Variants in KIRREL3 observed in about 807,000 individuals in gnomAD.
The protein encoded by KIRREL3 is kirre like nephrin family adhesion molecule 3.
In KIRREL3, 36 loss-of-function variants were observed where a neutral mutation model predicts 89.7. The observed-to-expected ratio is 0.40, with a 90% CI of 0.31 to 0.53. The LOEUF (loss-of-function observed/expected upper bound fraction) is 0.53, where lower values mean the gene tolerates loss of function less well. Ranked by LOEUF, KIRREL3 falls within the 20% of genes least tolerant of loss-of-function variation. The pLI, the probability that KIRREL3 is intolerant of heterozygous loss-of-function variation, is 0.49. For synonymous variants in KIRREL3, 445 were observed against 441.4 expected (o/e 1.01, Z -0.10); for missense variants, 864 against 1,056.6 (o/e 0.82, Z 2.53).
At chr11:126,864,690 A>T (rs532837742) in intron 1 of KIRREL3, among the ~76,000 whole-genome samples, 1 of 152,294 alleles carries the variant, frequency 6.6e-6, no homozygotes, top group South Asian at 2.1e-4. Context: ...TTCATCTCTC[A>T]CTGTAAACCC....
chr11:126,533,747 ACTT>A (rs1365126890), intron 2 of KIRREL3, among the ~76,000 whole-genome samples: 1 of 152,206 alleles, frequency 6.6e-6, no homozygotes, highest in African/African-American at 2.4e-5. Context: ...GAATCCTGGC[ACTT>A]CCATGAACTT....
At chr11:126,466,725 T>G (rs1349651502) in intron 5 of KIRREL3, among the ~76,000 whole-genome samples, 1 of 152,124 alleles carries the variant, frequency 6.6e-6, no homozygotes, top group Non-Finnish European at 1.5e-5. Context: ...CATCTGCAGG[T>G]TCTAGTCGCA....
At position 126,463,051 on chromosome 11, in the gene KIRREL3, C is replaced by T. The variant is rs1280353273; in HGVS notation, c.742+106G>A. ...ACAAGCTGGCCAATCCACAGAGCTG[C>T]CTGACCCATTTCCTGCTATCAGATG... is the stretch of plus-strand genomic sequence containing the variant. On this transcript the variant is annotated intron_variant, in intron 6 of 16. Coordinates refer to ENST00000525144, the MANE Select transcript of KIRREL3 (RefSeq NM_032531.4). This position sits in a 1 kb window ranked among gnomAD's most constrained non-coding sequence, Gnocchi z 5.9. The T allele has an allele frequency of 1.6e-5, 18 of 1,109,676 alleles. No homozygotes were observed. The highest frequency in any genetic ancestry group is 2.0e-5 in the Non-Finnish European group (15 of 758,442). The allele number at this position is 1,109,676 out of a possible 1,614,324, so 68.7% of individuals were successfully genotyped here. A position where few individuals can be genotyped will look rare whatever the true frequency, so the allele number is the denominator to read the frequency against.
chr11:126,882,472 G>C (rs1945540712), intron 1 of KIRREL3, among the ~76,000 whole-genome samples: 1 of 152,132 alleles, frequency 6.6e-6, no homozygotes, highest in Non-Finnish European at 1.5e-5. Context: ...TATAGAGATG[G>C]TTTGTCCACC....
upstream of KIRREL3, among the ~76,000 whole-genome samples, chr11:127,002,425 G>A (rs1181423201): frequency 6.6e-6 from 1 of 152,234 alleles, no homozygotes; most frequent in Non-Finnish European, 1.5e-5. Context: ...ACAAGTTACT[G>A]AAGCAGTGTC....
intron 1 of KIRREL3, among the ~76,000 whole-genome samples, chr11:126,956,140 C>T (rs1470571873): frequency 6.6e-6 from 1 of 152,176 alleles, no homozygotes; most frequent in Non-Finnish European, 1.5e-5. Flanking sequence ...AGTCACTCAT[C>T]TCTCTTGTTC....
rs1940166902 is a variant in KIRREL3 at position 126,562,064 on chromosome 11, T to C, written c.133+771A>G. On this transcript the variant is annotated intron_variant, in intron 2 of 16. Transcript: ENST00000525144. The surrounding 1 kb of genome is among the most constrained non-coding windows in gnomAD (Gnocchi z 4.7). The stretch of plus-strand genomic sequence containing the variant: ...GCTTCATTTGTCTGACTTTAATGAA[T>C]AAATGGCATCCCCAGCCATTGTTTA... 1.3e-5 allele frequency among the ~76,000 whole-genome samples: 2 copies of C among 152,160 alleles called. No individual in the cohort carries two copies. The highest frequency in any genetic ancestry group is 4.8e-5 in the African/African-American group (2 of 41,432).
chr11:126,435,000 G>A (rs929532921), intron 13 of KIRREL3, among the ~76,000 whole-genome samples: 3 of 152,116 alleles, frequency 2.0e-5, no homozygotes, highest in Non-Finnish European at 2.9e-5. Flanking sequence ...GGAATGGAGC[G>A]GGGACGAGCA....
At chr11:126,499,310 C>T (rs1431860367) in intron 4 of KIRREL3, among the ~76,000 whole-genome samples, 8 of 152,180 alleles carry the variant, frequency 5.3e-5, no homozygotes, top group African/African-American at 1.4e-4. Flanking sequence ...CCTCCTGCCT[C>T]GGGACTTCCC....
intron 6 of KIRREL3, among the ~76,000 whole-genome samples, chr11:126,457,134 C>T (rs781144628): frequency 6.7e-6 from 1 of 150,364 alleles, no homozygotes; most frequent in Non-Finnish European, 1.5e-5. Context: ...AGGCCGACAG[C>T]GAGACATGTA....
intron 1 of KIRREL3, among the ~76,000 whole-genome samples, chr11:126,577,657 G>A (rs71475971): frequency 0.086 from 13,017 of 151,550 alleles, 659 homozygotes; most frequent in Middle Eastern, 0.13. Flanking sequence ...AGCTATTCGG[G>A]AGGCTGAGGC....
chr11:126,786,918 G>A (rs1490486424), intron 1 of KIRREL3, among the ~76,000 whole-genome samples: 1 of 152,218 alleles, frequency 6.6e-6, no homozygotes, highest in East Asian at 1.9e-4. Context: ...AGGGCATAGA[G>A]CTGGTCTTTC....
At position 126,525,515 on chromosome 11, in the gene KIRREL3, C is replaced by T. The variant is rs765417207; in HGVS notation, c.283+1023G>A. Reference sequence around the variant, plus strand: ...ATAATGTTTCAATATACATTTTTGGCAAGACATAACTCACATTTAAAAATA... The same window carrying T: ...ATAATGTTTCAATATACATTTTTGGTAAGACATAACTCACATTTAAAAATA... On this transcript the variant is annotated intron_variant, in intron 3 of 16. Transcript: ENST00000525144. This position sits in a 1 kb window ranked among gnomAD's most constrained non-coding sequence, Gnocchi z 5.4. 1.3e-5 allele frequency among the ~76,000 whole-genome samples: 2 copies of T among 152,188 alleles called. No individual in the cohort carries two copies. Among genetic ancestry groups the T allele is most frequent in the Admixed American group, 1.3e-4 (2 of 15,276 alleles).
chr11:126,888,776 T>G (rs1336876508), intron 1 of KIRREL3, among the ~76,000 whole-genome samples: 1 of 152,204 alleles, frequency 6.6e-6, no homozygotes, highest in African/African-American at 2.4e-5. Flanking sequence ...GACCAGGCCC[T>G]AGAGCAGTAG....
chr11:126,751,401 G>C (rs770105039), intron 1 of KIRREL3, among the ~76,000 whole-genome samples: 2 of 152,198 alleles, frequency 1.3e-5, no homozygotes, highest in Non-Finnish European at 2.9e-5. Flanking sequence ...AGCTGGGAAG[G>C]TTTCAATATC....
intron 1 of KIRREL3, among the ~76,000 whole-genome samples, chr11:126,760,374 C>T (rs10893565): frequency 1.3e-5 from 2 of 152,118 alleles, no homozygotes; most frequent in Non-Finnish European, 2.9e-5. Context: ...CCTAACTGCT[C>T]TCTCACTTCA....
At position 126,463,441 on chromosome 11, in the gene KIRREL3, T is replaced by G; in HGVS notation, c.592-134A>C. The G allele has an allele frequency of 2.2e-6, 2 of 889,708 alleles. No individual in the cohort carries two copies. The highest frequency in any genetic ancestry group is 3.4e-6 in the Non-Finnish European group (2 of 593,978). The allele number at this position is 889,708 out of a possible 1,614,324, so 55.1% of individuals were successfully genotyped here. A position where few individuals can be genotyped will look rare whatever the true frequency, so the allele number is the denominator to read the frequency against. On this transcript the variant is annotated intron_variant, in intron 5 of 16. Coordinates refer to ENST00000525144, the MANE Select transcript of KIRREL3 (RefSeq NM_032531.4). This position sits in a 1 kb window ranked among gnomAD's most constrained non-coding sequence, Gnocchi z 5.9. ...ATGGAGGGGTTCAGCTTAGGAGACC[T>G]GGGCTGCCCATGTCTACGCAGAGCT...
At chr11:126,902,110 G>T (rs1175441341) in intron 1 of KIRREL3, among the ~76,000 whole-genome samples, 1 of 152,230 alleles carries the variant, frequency 6.6e-6, no homozygotes, top group African/African-American at 2.4e-5. Flanking sequence ...TCAACTTTCA[G>T]TTGGAAGGAG....
rs1945549514 is a variant in KIRREL3 at position 126,664,250 on chromosome 11, T to TTA, written c.56-101339_56-101338insTA. 6.8e-6 allele frequency among the ~76,000 whole-genome samples: 1 copy of TTA among 147,562 alleles called. No homozygotes were observed. Among genetic ancestry groups the TTA allele is most frequent in the African/African-American group, 2.5e-5 (1 of 39,842 alleles). ...GGGCCATTAGCATTTTTTTTTTTTT[T>TTA]ACCATCATTATGATCATCAACCCAG... On this transcript the variant is annotated intron_variant, in intron 1 of 16. Transcript: ENST00000525144. The surrounding 1 kb of genome is among the most constrained non-coding windows in gnomAD (Gnocchi z 5.4).
Sources: gnomAD v4.1 joint callset for allele counts (sites outside exome capture counted in the v4.1 genomes callset) on GRCh38, gnomAD v4.1.1 for gene constraint, Gnocchi (gnomAD v3.1) non-coding constraint, MANE v1.5 for transcripts, NCBI Gene and HGNC (gene_info 2026-07-23, HGNC 2026-07-21) for gene names.